ACBD5: variants seen among roughly 807,000 people sequenced by gnomAD.
ACBD5 encodes acyl-CoA binding domain containing 5.
ACBD5 carries 40 observed loss-of-function variants against 71.8 expected under a neutral mutation model. The observed-to-expected ratio is 0.56, with a 90% CI of 0.43 to 0.72. ACBD5 has a LOEUF of 0.72. Among genes scored for constraint, ACBD5 ranks in the 30% least tolerant of loss-of-function variants. The pLI is 0.00. For synonymous variants in ACBD5, 229 were observed against 218.6 expected (o/e 1.05, Z -0.42); for missense variants, 559 against 644.5 (o/e 0.87, Z 1.44).
chr10:27,189,765 T>TAA (rs926529859), intron 13 of ACBD5, among the ~76,000 whole-genome samples: 36 of 72,262 alleles, frequency 5.0e-4, no homozygotes, highest in East Asian at 4.3e-3. Context: ...TAAAGTATAA[T>TAA]AAAAATATAT....
Position 27,208,358 on chromosome 10 carries a change from C to T in ACBD5, c.1292G>A (p.Gly431Glu). 5.6e-6 allele frequency: 9 copies of T among 1,614,176 alleles called. No homozygotes were observed. The highest frequency in any genetic ancestry group is 6.8e-6 in the Non-Finnish European group (8 of 1,180,036). ...CTGCTCATTGAGGCTGCCTCGGGAC[C>T]CTCTGTCGGAGCCCCAGCGCTCCCC... is the stretch of plus-strand genomic sequence containing the variant. ...GDGERWGSDR[G>E]SRGSLNEQIA... is the part of the protein sequence containing the mutation. Residue 431 changes from glycine (G) to glutamate (E), a missense_variant, in exon 10 of 13, where the codon GGG becomes GAG. Coordinates refer to ENST00000396271, the MANE Select transcript of ACBD5 (RefSeq NM_145698.5).
chr10:27,186,021 G>A (rs1052814035), intron 13 of ACBD5, among the ~76,000 whole-genome samples: 10 of 152,252 alleles, frequency 6.6e-5, no homozygotes, highest in African/African-American at 2.2e-4. Context: ...CCCGGGAGGC[G>A]GCGGTTGCAG....
At chr10:27,194,543 C>G (rs943970731), downstream of ACBD5, among the ~76,000 whole-genome samples, 1 of 150,724 alleles carries the variant, frequency 6.6e-6, no homozygotes, top group Non-Finnish European at 1.5e-5. Flanking sequence ...ACCTGGGAAG[C>G]AGAGGTTGCA....
intron 12 of ACBD5, among the ~76,000 whole-genome samples, chr10:27,199,800 A>G (rs534420479): frequency 3.3e-5 from 5 of 152,244 alleles, no homozygotes; most frequent in African/African-American, 1.2e-4. Context: ...AAAACTGGTT[A>G]GACGAGACTA....
chr10:27,196,472 C>A lies in ACBD5; in HGVS notation c.*958G>T, dbSNP rs144535464. The A allele has an allele frequency of 2.0e-4, 93 of 454,406 alleles. No homozygotes were observed. Among genetic ancestry groups the A allele is most frequent in the African/African-American group, 1.0e-3 (50 of 50,088 alleles). The allele number at this position is 454,406 out of a possible 1,614,324, so 28.1% of individuals were successfully genotyped here. A position where few individuals can be genotyped will look rare whatever the true frequency, so the allele number is the denominator to read the frequency against. ...AAGTAGGTGTATCTAAAATAGTATA[C>A]CCCGAAGGAAAAACTGAGGCACTAA... On this transcript the variant is annotated 3_prime_UTR_variant, in exon 13 of 13. Transcript: ENST00000396271.
At chr10:27,191,753 G>T (rs2059089114), downstream of ACBD5, among the ~76,000 whole-genome samples, 1 of 152,056 alleles carries the variant, frequency 6.6e-6, no homozygotes, top group South Asian at 2.1e-4. Flanking sequence ...GGTGTGTGGT[G>T]GTGGGTGCTA....
chr10:27,209,957 T>C (rs1425555657), intron 9 of ACBD5, among the ~76,000 whole-genome samples: 1 of 152,208 alleles, frequency 6.6e-6, no homozygotes, highest in African/African-American at 2.4e-5. Flanking sequence ...TTGCAGTGAA[T>C]GGTTTTGTAT....
Position 27,195,818 on chromosome 10 carries a change from C to T in ACBD5, c.*1612G>A, listed in dbSNP as rs1442904199. On this transcript the variant is annotated 3_prime_UTR_variant, in exon 13 of 13. Transcript: ENST00000396271. ...CTTTTCAGGCAAACAAAGAACCATT[C>T]TGTATACTAAAGACAGATTATTTCT... 2.3e-6 allele frequency: 1 copy of T among 435,322 alleles called. No individual in the cohort carries two copies. Among genetic ancestry groups the T allele is most frequent in the African/African-American group, 2.0e-5 (1 of 49,258 alleles). The allele number at this position is 435,322 out of a possible 1,614,324, so 27.0% of individuals were successfully genotyped here.
chr10:27,183,076 G>A (rs926386005), intron 13 of ACBD5, among the ~76,000 whole-genome samples: 5 of 152,022 alleles, frequency 3.3e-5, no homozygotes, highest in African/African-American at 9.7e-5. Context: ...CTAATCTTGC[G>A]AGAGAGATGT....
At chr10:27,191,641 T>C (rs1294204243), downstream of ACBD5, among the ~76,000 whole-genome samples, 1 of 152,212 alleles carries the variant, frequency 6.6e-6, no homozygotes, top group Middle Eastern at 3.2e-3. Flanking sequence ...CCTAACACTT[T>C]GGGAGATCGA....
chr10:27,197,438 G>A lies in ACBD5; in HGVS notation c.1570C>T (p.Leu524=). The A allele has an allele frequency of 6.2e-7, 1 of 1,607,722 alleles. No homozygotes were observed. Among genetic ancestry groups the A allele is most frequent in the Middle Eastern group, 1.7e-4 (1 of 6,052 alleles). The change falls in exon 13 of 13, where the codon CTG becomes TTG. Residue 524 remains leucine, a synonymous_variant. Transcript: ENST00000396271. The part of the protein sequence containing the change: ...YLYYQRRRRK[L]N ...GGAAAACACCATTTTCCTCAGTTCA[G>A]TTTTCTTTAAAAAGAAAATAAAAAC...
In ACBD5 at chr10:27,240,537, G is replaced by A. The variant is rs573812093; in HGVS notation, c.16-53C>T. 12 of 1,554,944 alleles carry A rather than the reference G, an allele frequency of 7.7e-6. No homozygotes were observed. In the Admixed American group the frequency reaches 9.8e-5, roughly 13 times the overall value. On this transcript the variant is annotated intron_variant, in intron 1 of 12. Transcript: ENST00000396271. The surrounding 1 kb of genome is among the most constrained non-coding windows in gnomAD (Gnocchi z 4.1). ...AACATGCCCCAAAAGGAGGAGGCCC[G>A]GGAGCGAAGCGGGTCAGTTCCCCTT...
chr10:27,202,518 A>C (rs536359277), intron 12 of ACBD5, among the ~76,000 whole-genome samples: 2 of 152,268 alleles, frequency 1.3e-5, no homozygotes, highest in Non-Finnish European at 2.9e-5. Flanking sequence ...AACTTCTATT[A>C]GTAAAGAACA....
In ACBD5 at chr10:27,205,211, TGAG is replaced by T. The variant is rs1564578583; in HGVS notation, c.1439_1441del (p.Pro480del). ...AAAATGTCTTACCTGTGAGGTGGGC[TGAG>T]GAGCAGTCTGCAATGTTGATGTTGA... On this transcript the variant is annotated inframe_deletion, in exon 11 of 13. Coordinates refer to ENST00000396271, the MANE Select transcript of ACBD5 (RefSeq NM_145698.5). The T allele has an allele frequency of 1.2e-6, 2 of 1,613,256 alleles. No individual in the cohort carries two copies. Among genetic ancestry groups the T allele is most frequent in the African/African-American group, 1.3e-5 (1 of 74,906 alleles).
chr10:27,199,736 G>A (rs755047364), intron 12 of ACBD5, among the ~76,000 whole-genome samples: 107 of 152,248 alleles, frequency 7.0e-4, no homozygotes, highest in Non-Finnish European at 9.6e-4. Context: ...AAGGCTGAAT[G>A]TCCCCAAGAA....
intron 4 of ACBD5, among the ~76,000 whole-genome samples, chr10:27,225,820 A>C (rs1030096302): frequency 3.3e-5 from 5 of 152,046 alleles, no homozygotes; most frequent in African/African-American, 1.2e-4. Context: ...TAAAGACTTC[A>C]GTTAGCAGAA....
At chr10:27,185,618 CAAAAA>C (rs34847161) in intron 13 of ACBD5, among the ~76,000 whole-genome samples, 2 of 98,584 alleles carry the variant, frequency 2.0e-5, no homozygotes, top group Admixed American at 1.2e-4. Flanking sequence ...AGGTGACAGA[CAAAAA>C]AAAAAAAAAA....
chr10:27,240,980 C>T (rs2065433452), upstream of ACBD5: 2 of 582,868 alleles, frequency 3.4e-6, no homozygotes. The surrounding 1 kb of genome is among the most constrained non-coding windows in gnomAD (Gnocchi z 4.1). Flanking sequence ...GCCACAGTCC[C>T]GGCTTGGTGC....
upstream of ACBD5, chr10:27,241,965 T>C: frequency 2.3e-6 from 1 of 429,442 alleles, no homozygotes; most frequent in South Asian, 1.6e-5. Context: ...GTCGTTTTTG[T>C]CAGTTAGGGG....
Sources: gnomAD v4.1 joint callset for allele counts (sites outside exome capture counted in the v4.1 genomes callset) on GRCh38, gnomAD v4.1.1 for gene constraint, Gnocchi (gnomAD v3.1) non-coding constraint, MANE v1.5 for transcripts, NCBI Gene and HGNC (gene_info 2026-07-23, HGNC 2026-07-21) for gene names.